CAMTA1: variants seen among roughly 807,000 people sequenced by gnomAD.
CAMTA1 encodes the protein calmodulin binding transcription activator 1.
Under a neutral mutation model 170.9 loss-of-function variants are expected in CAMTA1, and 27 were observed. The observed-to-expected ratio is 0.16, with a 90% confidence interval of 0.12 to 0.22. The LOEUF (loss-of-function observed/expected upper bound fraction) is 0.22, where lower values mean the gene tolerates loss of function less well. Among genes scored for constraint, CAMTA1 ranks in the 10% least tolerant of loss-of-function variants. The pLI, the probability that CAMTA1 is intolerant of heterozygous loss-of-function variation, is 1.00. For missense variants in CAMTA1, 1,619 were observed against 2,217.2 expected (o/e 0.73, Z 5.42); for synonymous variants, 833 against 891.5 (o/e 0.93, Z 1.17).
rs2096180508 is a variant in CAMTA1, at chr1:7,680,456, TCC to T, written c.2914+2725_2914+2726del. 6.6e-6 allele frequency among the ~76,000 whole-genome samples: 1 copy of T among 151,580 alleles called. No individual in the cohort carries two copies. Among genetic ancestry groups the T allele is most frequent in the Non-Finnish European group, 1.5e-5 (1 of 67,910 alleles). On this transcript the variant is annotated intron_variant, in intron 11 of 22. Coordinates refer to ENST00000303635, the MANE Select transcript of CAMTA1 (RefSeq NM_015215.4). This position sits in a 1 kb window ranked among gnomAD's most constrained non-coding sequence, Gnocchi z 4.4. ...CGGCGGCGCGCGTGCACACACTCTC[TCC>T]CACGCGCGCGCCCTCCCGCCGACGC...
At chr1:7,138,580 G>A (rs995301780) in intron 4 of CAMTA1, among the ~76,000 whole-genome samples, 6 of 152,138 alleles carry the variant, frequency 3.9e-5, no homozygotes, top group African/African-American at 9.7e-5. Flanking sequence ...AGGCATACAC[G>A]TCTTTTGATG....
chr1:7,364,403 T>C (rs1466619239), intron 5 of CAMTA1, among the ~76,000 whole-genome samples: 1 of 151,576 alleles, frequency 6.6e-6, no homozygotes, highest in Non-Finnish European at 1.5e-5. Flanking sequence ...CTTCTATGTG[T>C]CCTCACATGG....
chr1:6,859,422 C>G (rs535290537), intron 3 of CAMTA1, among the ~76,000 whole-genome samples: 2 of 152,296 alleles, frequency 1.3e-5, no homozygotes, highest in African/African-American at 4.8e-5. Context: ...ATAAGTGATG[C>G]ACTTAACATC....
chr1:7,096,166 A>AG (rs769989244), intron 4 of CAMTA1, among the ~76,000 whole-genome samples: 3 of 152,202 alleles, frequency 2.0e-5, no homozygotes, highest in Non-Finnish European at 4.4e-5. Flanking sequence ...CAGTAGAAGG[A>AG]GGGGGTCTAG....
chr1:6,892,632 A>G (rs1279575611), intron 3 of CAMTA1, among the ~76,000 whole-genome samples: 2 of 132,994 alleles, frequency 1.5e-5, no homozygotes, highest in East Asian at 4.6e-4. Context: ...TGGTGGGGGT[A>G]GATGCTTTTA....
At chr1:7,406,606 G>A (rs977514628) in intron 5 of CAMTA1, among the ~76,000 whole-genome samples, 3 of 151,534 alleles carry the variant, frequency 2.0e-5, no homozygotes, top group Non-Finnish European at 2.9e-5. Context: ...ACACACGGAT[G>A]TACACACACA....
chr1:7,623,336 C>G (rs562362453), intron 6 of CAMTA1, among the ~76,000 whole-genome samples: 1 of 152,134 alleles, frequency 6.6e-6, no homozygotes, highest in East Asian at 1.9e-4. Context: ...CACAGTTACC[C>G]CTACTCTATA....
At chr1:7,493,410 C>G (rs1395731883) in intron 6 of CAMTA1, among the ~76,000 whole-genome samples, 1 of 142,358 alleles carries the variant, frequency 7.0e-6, no homozygotes, top group Non-Finnish European at 1.5e-5. Context: ...CACAAAAACA[C>G]AAACCTACAT....
In CAMTA1 at chr1:7,665,209, C is replaced by T. The variant is rs761035054; in HGVS notation, c.2652+10C>T. ...GTGGTCTTACCCAGAGGTAAGCTGC[C>T]GCCGCTGCCACCACCTGTCACCTCC... On this transcript the variant is annotated intron_variant, in intron 9 of 22. Transcript: ENST00000303635. The surrounding 1 kb of genome is among the most constrained non-coding windows in gnomAD (Gnocchi z 4.3). 5 of 1,428,476 alleles carry T rather than the reference C, an allele frequency of 3.5e-6. No individual in the cohort carries two copies. The highest frequency in any genetic ancestry group is 1.7e-5 in the South Asian group (1 of 59,372). 88.5% of individuals were successfully genotyped at this position (1,428,476 alleles called of 1,614,324 possible).
intron 1 of CAMTA1, among the ~76,000 whole-genome samples, chr1:6,807,544 C>G (rs888376692): frequency 1.3e-5 from 2 of 151,962 alleles, no homozygotes. Context: ...CATGGTGAAA[C>G]CCCGTCTCTA....
At chr1:6,868,532 T>C (rs1667431506) in intron 3 of CAMTA1, among the ~76,000 whole-genome samples, 1 of 152,296 alleles carries the variant, frequency 6.6e-6, no homozygotes, top group South Asian at 2.1e-4. Context: ...AATGGCGGCA[T>C]TTCTGTCATG....
At chr1:7,530,111 C>A (rs1287169658) in intron 6 of CAMTA1, among the ~76,000 whole-genome samples, 2 of 152,186 alleles carry the variant, frequency 1.3e-5, no homozygotes, top group Non-Finnish European at 2.9e-5. Context: ...CCTTCTCTGG[C>A]ACCTCGGCAC....
At chr1:6,894,167 C>CGGT (rs1675161390) in intron 3 of CAMTA1, among the ~76,000 whole-genome samples, 1 of 152,134 alleles carries the variant, frequency 6.6e-6, no homozygotes, top group Non-Finnish European at 1.5e-5. Context: ...TTTCAGTACC[C>CGGT]ACCCATCTAC....
intron 6 of CAMTA1, among the ~76,000 whole-genome samples, chr1:7,498,263 A>T (rs562825879): frequency 4.1e-5 from 6 of 148,018 alleles, no homozygotes; most frequent in Admixed American, 2.7e-4. Flanking sequence ...AGTGTATGAG[A>T]GAGCGTGTGT....
At chr1:7,610,456 C>T (rs1253056346) in intron 6 of CAMTA1, among the ~76,000 whole-genome samples, 1 of 152,198 alleles carries the variant, frequency 6.6e-6, no homozygotes, top group African/African-American at 2.4e-5. Flanking sequence ...CAAGACCAGC[C>T]ACAGTCAATC....
Position 7,603,878 on chromosome 1 carries a change from G to T in CAMTA1, c.511-36522G>T, listed in dbSNP as rs1012975275. Among the ~76,000 whole-genome samples the T allele has an allele frequency of 2.6e-4, 40 of 152,108 alleles. 1 individual carries two copies. Among genetic ancestry groups the T allele is most frequent in the Non-Finnish European group, 1.2e-4 (8 of 68,028 alleles). ...CAGGAGCTCTTTTAGGGCAGGCCTG[G>T]TGGTAACAAAATCTCTCAGCGTTTG... On this transcript the variant is annotated intron_variant, in intron 6 of 22. Coordinates refer to ENST00000303635, the MANE Select transcript of CAMTA1 (RefSeq NM_015215.4).
At chr1:6,804,021 TAAAAA>T (rs993058653) in intron 1 of CAMTA1, among the ~76,000 whole-genome samples, 1 of 151,474 alleles carries the variant, frequency 6.6e-6, no homozygotes, top group Admixed American at 6.6e-5. Context: ...CCTTCTCTAC[TAAAAA>T]AAATACAAAA....
chr1:7,655,649 ACACC>A (rs2149089290), intron 7 of CAMTA1, among the ~76,000 whole-genome samples: 1 of 150,948 alleles, frequency 6.6e-6, no homozygotes, highest in South Asian at 2.1e-4. Context: ...CACACACTAC[ACACC>A]CACACACCTA....
intron 3 of CAMTA1, among the ~76,000 whole-genome samples, chr1:6,996,459 A>C (rs981646273): frequency 7.9e-5 from 12 of 152,272 alleles, no homozygotes; most frequent in Non-Finnish European, 1.5e-4. Context: ...TTCCATGCAA[A>C]CATAATTCAG....
Sources: gnomAD v4.1 joint callset for allele counts (sites outside exome capture counted in the v4.1 genomes callset) on GRCh38, gnomAD v4.1.1 for gene constraint, Gnocchi (gnomAD v3.1) non-coding constraint, MANE v1.5 for transcripts, NCBI Gene and HGNC (gene_info 2026-07-23, HGNC 2026-07-21) for gene names.